The following CDC73 variants were observed in gnomAD, a reference collection of about 807,000 sequenced individuals.
CDC73 encodes cell division cycle 73.
CDC73 carries 21 observed loss-of-function variants against 83.7 expected under a neutral mutation model. The ratio of observed to expected loss-of-function variants is 0.25; its 90% CI spans 0.18 to 0.36. The LOEUF (loss-of-function observed/expected upper bound fraction) is 0.36, where lower values mean the gene tolerates loss of function less well. Ranked by LOEUF, CDC73 falls within the 10% of genes least tolerant of loss-of-function variation. The pLI, the probability that CDC73 is intolerant of heterozygous loss-of-function variation, is 1.00. For synonymous variants in CDC73, 224 were observed against 212.9 expected (o/e 1.05, Z -0.45); for missense variants, 342 against 653.3 (o/e 0.52, Z 5.19).
chr1:193,187,947 C>T (rs1160565447), intron 10 of CDC73, among the ~76,000 whole-genome samples: 1 of 152,196 alleles, frequency 6.6e-6, no homozygotes, highest in Non-Finnish European at 1.5e-5. Flanking sequence ...TATATCCACC[C>T]ATACTGCAAT....
chr1:193,136,577 C>T (rs1462750619), intron 5 of CDC73: 1 of 213,766 alleles, frequency 4.7e-6, no homozygotes, highest in South Asian at 9.6e-5. Flanking sequence ...CATCTATGAG[C>T]GAATAGGCTC....
intron 10 of CDC73, among the ~76,000 whole-genome samples, chr1:193,163,189 A>G (rs910661240): frequency 1.4e-4 from 21 of 150,560 alleles, no homozygotes; most frequent in African/African-American, 4.9e-4. Flanking sequence ...GTGTGTGTGT[A>G]TATTTTTTTT....
intron 13 of CDC73, among the ~76,000 whole-genome samples, chr1:193,216,797 A>G (rs1259125626): frequency 6.6e-6 from 1 of 152,244 alleles, no homozygotes; most frequent in Non-Finnish European, 1.5e-5. Context: ...CAACAAATGC[A>G]AATCAGTAAA....
intron 13 of CDC73, among the ~76,000 whole-genome samples, chr1:193,214,910 T>C (rs1677338175): frequency 6.6e-6 from 1 of 152,248 alleles, no homozygotes. Flanking sequence ...ATATTGGGTT[T>C]GTTGTTTCAA....
Position 193,250,773 on chromosome 1 carries a change from T to C in CDC73, c.*61T>C. The C allele has an allele frequency of 1.4e-6, 2 of 1,408,638 alleles. No homozygotes were observed. The highest frequency in any genetic ancestry group is 1.0e-6 in the Non-Finnish European group (1 of 994,498). The allele number at this position is 1,408,638 out of a possible 1,614,324, so 87.3% of individuals were successfully genotyped here. On this transcript the variant is annotated 3_prime_UTR_variant, in exon 17 of 17. Coordinates refer to ENST00000367435, the MANE Select transcript of CDC73 (RefSeq NM_024529.5). ...CAAGCTTTATGAATTTATCAAGAAC[T>C]TAAAAATGAAGAAGGTCACAGATTG...
chr1:193,249,303 C>T (rs1460326472), intron 15 of CDC73, among the ~76,000 whole-genome samples: 1 of 152,010 alleles, frequency 6.6e-6, no homozygotes, highest in African/African-American at 2.4e-5. Context: ...GTTTTTTAGA[C>T]ATAATGCTAT....
chr1:193,222,696 G>A (rs74130936), intron 13 of CDC73, among the ~76,000 whole-genome samples: 6,169 of 148,306 alleles, frequency 0.042, 400 homozygotes, highest in African/African-American at 0.14. Context: ...TTAAATCTGC[G>A]TATTGGTGTT....
chr1:193,146,567 C>T (rs746525965), intron 7 of CDC73, among the ~76,000 whole-genome samples: 1 of 152,080 alleles, frequency 6.6e-6, no homozygotes, highest in Non-Finnish European at 1.5e-5. Context: ...TTCGGGAATC[C>T]GAGCCCACTT....
intron 6 of CDC73, 96 bp from the exon 7 acceptor site, chr1:193,141,754 G>A (rs548355085): frequency 3.8e-6 from 3 of 780,964 alleles, no homozygotes; most frequent in Admixed American, 2.1e-5. Flanking sequence ...TGCCATGTAA[G>A]TGTTTTTACC....
intron 1 of CDC73, 191 bp downstream of exon 1, chr1:193,122,522 C>G: frequency 3.2e-6 from 2 of 624,630 alleles, no homozygotes; most frequent in Non-Finnish European, 5.5e-6. Flanking sequence ...AGCTCTAGAG[C>G]AGTTCATCAC....
At chr1:193,226,449 G>A (rs57297572) in intron 13 of CDC73, among the ~76,000 whole-genome samples, 295 of 152,292 alleles carry the variant, frequency 1.9e-3, no homozygotes, top group African/African-American at 6.8e-3. Flanking sequence ...TACGTTAGCT[G>A]TGGGTTTGTC....
At chr1:193,205,055 TA>T (rs1677162695) in intron 11 of CDC73, among the ~76,000 whole-genome samples, 1 of 152,192 alleles carries the variant, frequency 6.6e-6, no homozygotes, top group African/African-American at 2.4e-5. Flanking sequence ...TCCTAGTAAC[TA>T]AAAAGACTGA....
At chr1:193,136,549 TG>T in intron 5 of CDC73, 1 of 239,634 alleles carries the variant, frequency 4.2e-6, no homozygotes, top group East Asian at 1.1e-4. Context: ...CTCATTAAGT[TG>T]GTAGTACTGT....
rs372585994 is a variant in CDC73 at position 193,253,139 on chromosome 1, T to C, written c.*2427T>C. 45 of 232,444 alleles carry C rather than the reference T, an allele frequency of 1.9e-4. No individual in the cohort carries two copies. The South Asian group carries it at 2.0e-3, about 10-fold the overall frequency. The allele number at this position is 232,444 out of a possible 1,614,324, so 14.4% of individuals were successfully genotyped here. ...CTCAGTCAAGGAACAGTAAGAAATA[T>C]GTAGGTTTCAATCAGTTGCTCTCAA... On this transcript the variant is annotated 3_prime_UTR_variant, in exon 17 of 17. Transcript: ENST00000367435.
chr1:193,242,410 C>T (rs988173929), intron 15 of CDC73, among the ~76,000 whole-genome samples: 1 of 152,186 alleles, frequency 6.6e-6, no homozygotes, highest in East Asian at 1.9e-4. Flanking sequence ...CCTTATCTCA[C>T]TGGTGAGCCC....
chr1:193,129,487 A>AATTAATTTATTT (rs142942063), intron 2 of CDC73, among the ~76,000 whole-genome samples: 3 of 142,790 alleles, frequency 2.1e-5, no homozygotes, highest in Admixed American at 7.0e-5. Context: ...TTCAAAAAGA[A>AATTAATTTATTT]ATTTATTTAT....
chr1:193,157,818 T>A (rs976378305), intron 10 of CDC73, among the ~76,000 whole-genome samples: 1 of 152,180 alleles, frequency 6.6e-6, no homozygotes, highest in African/African-American at 2.4e-5. Context: ...GCTTTGATTT[T>A]CAGTTCTACC....
chr1:193,137,946 G>A (rs1321651114), intron 5 of CDC73, 139 bp from the exon 6 acceptor site: 2 of 699,312 alleles, frequency 2.9e-6, no homozygotes, highest in Admixed American at 4.2e-5. Context: ...GCCAAAAGTA[G>A]TCTTGAAGTT....
At chr1:193,224,494 A>AC (rs1475759530) in intron 13 of CDC73, among the ~76,000 whole-genome samples, 2 of 147,858 alleles carry the variant, frequency 1.4e-5, no homozygotes. Context: ...ATATACACAT[A>AC]TATGAAATAT....
Sources: allele counts gnomAD v4.1 joint callset (sites outside exome capture counted in the v4.1 genomes callset), GRCh38; gene constraint gnomAD v4.1.1; transcripts MANE v1.5; gene names NCBI Gene and HGNC (gene_info 2026-07-23, HGNC 2026-07-21).